PRKN: variants seen among roughly 807,000 people sequenced by gnomAD.
PRKN encodes E3 ubiquitin-protein ligase parkin.
A neutral mutation model predicts 59.5 loss-of-function variants in PRKN; 56 were observed. The ratio of observed to expected loss-of-function variants is 0.94; its 90% CI spans 0.76 to 1.18. The LOEUF (loss-of-function observed/expected upper bound fraction) is 1.18. Among genes scored for constraint, PRKN ranks in the 50% most tolerant of loss-of-function variants. PRKN has a pLI of 0.00. For synonymous variants in PRKN, 250 were observed against 222.1 expected (o/e 1.13, Z -1.12); for missense variants, 657 against 596.4 (o/e 1.10, Z -1.06).
At chr6:161,389,990 A>T (rs1191290353) in intron 9 of PRKN, among the ~76,000 whole-genome samples, 1 of 152,230 alleles carries the variant, frequency 6.6e-6, no homozygotes, top group Non-Finnish European at 1.5e-5. Context: ...CCACTTTAGC[A>T]TGGCAAAAGG....
intron 1 of PRKN, among the ~76,000 whole-genome samples, chr6:162,662,576 T>C (rs1414079721): frequency 6.6e-6 from 1 of 152,214 alleles, no homozygotes; most frequent in African/African-American, 2.4e-5. Flanking sequence ...AAATCTTCAA[T>C]CAACCTTGAG....
At chr6:161,977,533 GTTTTTTTGGTTTTTT>G (rs896901251) in intron 5 of PRKN, among the ~76,000 whole-genome samples, 3 of 80,712 alleles carry the variant, frequency 3.7e-5, no homozygotes, top group East Asian at 3.5e-4. Context: ...TCTACTTTCT[GTTTTTTTGGTTTTTT>G]TTTTTTTTTT....
intron 7 of PRKN, among the ~76,000 whole-genome samples, chr6:161,613,363 A>G (rs1723585468): frequency 6.8e-6 from 1 of 146,056 alleles, no homozygotes; most frequent in Non-Finnish European, 1.5e-5. Context: ...ATGGATGCGC[A>G]AAGATTTTTT....
chr6:161,632,321 A>C (rs1019825027), intron 7 of PRKN, among the ~76,000 whole-genome samples: 3 of 152,222 alleles, frequency 2.0e-5, no homozygotes, highest in Non-Finnish European at 2.9e-5. Flanking sequence ...TGAGAAAAAA[A>C]ACCCCATAAA....
intron 2 of PRKN, among the ~76,000 whole-genome samples, chr6:162,327,200 T>C (rs772419696): frequency 1.3e-4 from 20 of 152,198 alleles, no homozygotes; most frequent in Admixed American, 3.3e-4. Flanking sequence ...ATGCTGAATA[T>C]TGATCAGGAG....
chr6:161,750,641 C>G (rs1441601455), intron 7 of PRKN, among the ~76,000 whole-genome samples: 15 of 151,742 alleles, frequency 9.9e-5, no homozygotes, highest in Admixed American at 9.9e-4. Context: ...GTGGCACATG[C>G]CTGTAATCCC....
At chr6:162,630,586 T>G (rs1424398010) in intron 1 of PRKN, among the ~76,000 whole-genome samples, 1 of 152,076 alleles carries the variant, frequency 6.6e-6, no homozygotes, top group Non-Finnish European at 1.5e-5. Flanking sequence ...TTCTTCTACC[T>G]CCAATAACTG....
At chr6:161,640,923 G>C (rs1783715535) in intron 7 of PRKN, among the ~76,000 whole-genome samples, 1 of 152,218 alleles carries the variant, frequency 6.6e-6, no homozygotes, top group African/African-American at 2.4e-5. Flanking sequence ...GTGATCTTTC[G>C]AAGCCCTGAG....
At chr6:161,532,822 T>C (rs510968) in intron 9 of PRKN, among the ~76,000 whole-genome samples, 120,807 of 152,034 alleles carry the variant, frequency 0.79, 48,323 homozygotes, top group Middle Eastern at 0.86. Flanking sequence ...CTGTCCACCC[T>C]TTATACCTGC....
rs1320319384 is a variant in PRKN at position 161,795,297 on chromosome 6, A to G, written c.735-9389T>C. ...GCTCAGGCTGGAGTGCAGTGGCGCA[A>G]TCTCGGCTCACTGTAGCCTTCGTCT... is the stretch of plus-strand genomic sequence containing the variant. On this transcript the variant is annotated intron_variant, in intron 6 of 11. Coordinates refer to ENST00000366898, the MANE Select transcript of PRKN (RefSeq NM_004562.3). 7.8e-4 allele frequency among the ~76,000 whole-genome samples: 114 copies of G among 146,372 alleles called. 1 individual carries two copies. Among genetic ancestry groups the G allele is most frequent in the Non-Finnish European group, 1.8e-4 (12 of 67,134 alleles).
chr6:162,390,396 T>TATATATATATATATATACACACACAC (rs1180636201), intron 2 of PRKN, among the ~76,000 whole-genome samples: 10 of 84,108 alleles, frequency 1.2e-4, no homozygotes, highest in African/African-American at 2.7e-4. Context: ...TATATATATA[T>TATATATATATATATATACACACACAC]ACACACACAC....
At chr6:162,464,344 T>C (rs1791312910) in intron 1 of PRKN, among the ~76,000 whole-genome samples, 1 of 152,188 alleles carries the variant, frequency 6.6e-6, no homozygotes. Flanking sequence ...GCCACTGCCC[T>C]GTAATTAAGT....
At chr6:162,448,232 T>G (rs919412897) in intron 1 of PRKN, among the ~76,000 whole-genome samples, 2 of 152,054 alleles carry the variant, frequency 1.3e-5, no homozygotes, top group East Asian at 3.9e-4. Context: ...TTTCCAAATG[T>G]CCCTTGCCTG....
chr6:161,573,384 C>T (rs753012148), intron 7 of PRKN, among the ~76,000 whole-genome samples: 8 of 151,968 alleles, frequency 5.3e-5, no homozygotes, highest in Admixed American at 2.6e-4. Flanking sequence ...GTATTTATAG[C>T]TCAGTTTATA....
intron 1 of PRKN, among the ~76,000 whole-genome samples, chr6:162,467,215 A>G (rs1290163218): frequency 6.6e-6 from 1 of 152,146 alleles, no homozygotes; most frequent in Non-Finnish European, 1.5e-5. Flanking sequence ...TTTCATCAAT[A>G]TCAAACACAA....
At chr6:162,252,143 T>C (rs1352731071) in intron 3 of PRKN, among the ~76,000 whole-genome samples, 2 of 152,188 alleles carry the variant, frequency 1.3e-5, no homozygotes, top group Admixed American at 6.5e-5. Flanking sequence ...GAAGGAAACA[T>C]GCTGACTCTT....
At chr6:162,193,791 T>C (rs1784386656) in intron 4 of PRKN, among the ~76,000 whole-genome samples, 1 of 152,182 alleles carries the variant, frequency 6.6e-6, no homozygotes, top group Non-Finnish European at 1.5e-5. Context: ...GTGTGGTCTT[T>C]GGTGTCCTGA....
chr6:162,174,012 T>C (rs996967214), intron 4 of PRKN, among the ~76,000 whole-genome samples: 2 of 152,198 alleles, frequency 1.3e-5, no homozygotes, highest in African/African-American at 4.8e-5. Flanking sequence ...CCATATATCC[T>C]GCTCTATGCG....
At chr6:161,412,161 CCACT>C (rs1464258140) in intron 9 of PRKN, among the ~76,000 whole-genome samples, 10 of 143,202 alleles carry the variant, frequency 7.0e-5, no homozygotes, top group South Asian at 4.8e-4. Context: ...CACTATTCTT[CCACT>C]CACTCATTCC....
Sources: gnomAD v4.1 joint callset for allele counts (sites outside exome capture counted in the v4.1 genomes callset) on GRCh38, gnomAD v4.1.1 for gene constraint, MANE v1.5 for transcripts, NCBI Gene and HGNC (gene_info 2026-07-23, HGNC 2026-07-21) for gene names.